The following PRKCE variants were observed in gnomAD, a reference collection of about 807,000 sequenced individuals.
The protein encoded by PRKCE is protein kinase C epsilon type.
A neutral mutation model predicts 85.4 loss-of-function variants in PRKCE; 16 were observed. The observed-to-expected ratio is 0.19, with a 90% CI of 0.13 to 0.28. The LOEUF (loss-of-function observed/expected upper bound fraction) is 0.28, where lower values mean the gene tolerates loss of function less well. Ranked by LOEUF, PRKCE falls within the 10% of genes least tolerant of loss-of-function variation. PRKCE has a pLI of 1.00. For missense variants in PRKCE, 573 were observed against 975.2 expected (o/e 0.59, Z 5.49); for synonymous variants, 388 against 371.5 (o/e 1.04, Z -0.51).
chr2:45,701,187 G>A (rs1049893169), intron 1 of PRKCE, among the ~76,000 whole-genome samples: 4 of 152,166 alleles, frequency 2.6e-5, no homozygotes, highest in Non-Finnish European at 4.4e-5. Context: ...AACATAATAG[G>A]TGCTCAATGA....
intron 10 of PRKCE, among the ~76,000 whole-genome samples, chr2:46,019,375 G>T (rs980193969): frequency 6.6e-6 from 1 of 152,120 alleles, no homozygotes; most frequent in Non-Finnish European, 1.5e-5. Flanking sequence ...CCATGGGATG[G>T]GGTCCTGTCC....
intron 6 of PRKCE, among the ~76,000 whole-genome samples, chr2:45,989,561 T>G (rs1015850200): frequency 5.3e-5 from 8 of 152,034 alleles, no homozygotes; most frequent in African/African-American, 1.9e-4. Flanking sequence ...TGGAGTGATC[T>G]TAGCCACATA....
chr2:45,867,176 A>G (rs574673927), intron 2 of PRKCE, among the ~76,000 whole-genome samples: 2 of 152,296 alleles, frequency 1.3e-5, no homozygotes, highest in African/African-American at 4.8e-5. Flanking sequence ...AAATCCAGAC[A>G]GAAAAACAGT....
intron 1 of PRKCE, among the ~76,000 whole-genome samples, chr2:45,658,908 A>G (rs1675507761): frequency 6.6e-6 from 1 of 152,244 alleles, no homozygotes; most frequent in Non-Finnish European, 1.5e-5. Context: ...ATTGTTCTGG[A>G]AAGTCTAGAA....
intron 2 of PRKCE, among the ~76,000 whole-genome samples, chr2:45,917,888 G>C (rs1441079420): frequency 6.7e-6 from 1 of 148,574 alleles, no homozygotes; most frequent in East Asian, 2.0e-4. Context: ...GGGGGACCCA[G>C]TACACCCTCC....
At chr2:45,899,193 T>C (rs926728625) in intron 2 of PRKCE, among the ~76,000 whole-genome samples, 5 of 152,174 alleles carry the variant, frequency 3.3e-5, no homozygotes, top group African/African-American at 9.7e-5. Flanking sequence ...GGAAATGTTT[T>C]CTCAGATGGC....
At chr2:45,779,772 GATTT>G (rs998419316) in intron 1 of PRKCE, among the ~76,000 whole-genome samples, 2 of 152,012 alleles carry the variant, frequency 1.3e-5, no homozygotes, top group African/African-American at 4.8e-5. Context: ...TATGTAGTGT[GATTT>G]ATTTTAATAG....
intron 10 of PRKCE, among the ~76,000 whole-genome samples, chr2:46,050,828 T>C (rs1034313040): frequency 1.3e-5 from 2 of 152,216 alleles, no homozygotes; most frequent in Admixed American, 1.3e-4. Context: ...CCTTCATTCT[T>C]GTCAAAGTCT....
intron 1 of PRKCE, among the ~76,000 whole-genome samples, chr2:45,653,395 T>TTC (rs1675232174): frequency 7.4e-6 from 1 of 134,992 alleles, no homozygotes; most frequent in Non-Finnish European, 1.6e-5. Context: ...TTTTTTTTTT[T>TTC]CTCTCTTCTT....
intron 14 of PRKCE, among the ~76,000 whole-genome samples, chr2:46,165,451 G>A (rs919825620): frequency 2.0e-5 from 3 of 152,234 alleles, no homozygotes; most frequent in African/African-American, 7.2e-5. Flanking sequence ...CTCCAGCACT[G>A]AGGGGTTGGG....
chr2:45,681,656 G>A (rs931255585), intron 1 of PRKCE, among the ~76,000 whole-genome samples: 2 of 152,214 alleles, frequency 1.3e-5, no homozygotes, highest in African/African-American at 4.8e-5. Context: ...ACCTGGGCCT[G>A]TGGATGAGAT....
chr2:45,692,947 G>C (rs2104094189), intron 1 of PRKCE, among the ~76,000 whole-genome samples: 1 of 152,298 alleles, frequency 6.6e-6, no homozygotes, highest in Non-Finnish European at 1.5e-5. Context: ...TTTTGGTCTG[G>C]CCTGGGAAGG....
chr2:45,950,093 T>G (rs1573995008), intron 2 of PRKCE, among the ~76,000 whole-genome samples: 1 of 152,332 alleles, frequency 6.6e-6, no homozygotes, highest in East Asian at 1.9e-4. Context: ...TTAATTTCTT[T>G]TTAAGTATTA....
At chr2:45,744,549 T>TCTTCCTTCCTTCCTTC (rs769313874) in intron 1 of PRKCE, among the ~76,000 whole-genome samples, 2 of 84,146 alleles carry the variant, frequency 2.4e-5, no homozygotes, top group East Asian at 8.6e-4. Flanking sequence ...TTTCTTTCTT[T>TCTTCCTTCCTTCCTTC]CTTCCTTCCT....
chr2:45,910,793 G>C (rs1049385378), intron 2 of PRKCE, among the ~76,000 whole-genome samples: 1 of 152,162 alleles, frequency 6.6e-6, no homozygotes, highest in East Asian at 1.9e-4. Flanking sequence ...AAGGTTAGGG[G>C]GCTAGAGCTG....
chr2:45,682,787 A>G (rs1226873008), intron 1 of PRKCE, among the ~76,000 whole-genome samples: 1 of 152,080 alleles, frequency 6.6e-6, no homozygotes, highest in East Asian at 1.9e-4. Context: ...GGGTTTCATC[A>G]TGTTTCAACT....
intron 9 of PRKCE, among the ~76,000 whole-genome samples, 183 bp downstream of exon 9, chr2:46,007,844 G>T (rs1705338828): frequency 6.6e-6 from 1 of 152,202 alleles, no homozygotes. Flanking sequence ...CTATTAATTG[G>T]CTATATGAGA....
chr2:45,923,827 A>T (rs1160068836), intron 2 of PRKCE, among the ~76,000 whole-genome samples: 1 of 152,102 alleles, frequency 6.6e-6, no homozygotes, highest in African/African-American at 2.4e-5. Context: ...AGGAAACTCG[A>T]GCCAGGGAGA....
intron 2 of PRKCE, among the ~76,000 whole-genome samples, chr2:45,872,083 GA>G (rs1261459178): frequency 2.1e-5 from 3 of 141,608 alleles, no homozygotes; most frequent in African/African-American, 5.2e-5. Flanking sequence ...ATAGATTGCA[GA>G]TACTTGAAAA....
Sources: allele counts gnomAD v4.1 joint callset (sites outside exome capture counted in the v4.1 genomes callset), GRCh38; gene constraint gnomAD v4.1.1; transcripts MANE v1.5; gene names NCBI Gene and HGNC (gene_info 2026-07-23, HGNC 2026-07-21).